The following MYO9B variants were observed in gnomAD, a reference collection of about 807,000 sequenced individuals.
The protein encoded by MYO9B is unconventional myosin-IXb.
Under a neutral mutation model 229.5 loss-of-function variants are expected in MYO9B, and 71 were observed. The ratio of observed to expected loss-of-function variants is 0.31; its 90% confidence interval spans 0.26 to 0.38. The LOEUF is 0.38. Ranked by LOEUF, MYO9B falls within the 10% of genes least tolerant of loss-of-function variation. The probability of loss-of-function intolerance (pLI) is 1.00; values close to 1 mark genes in which losing one functional copy is unlikely to be tolerated. For synonymous variants in MYO9B, 1,185 were observed against 1,235.8 expected (o/e 0.96, Z 0.86); for missense variants, 2,255 against 2,920.5 (o/e 0.77, Z 5.25).
intron 2 of MYO9B, among the ~76,000 whole-genome samples, chr19:17,139,096 G>A (rs919299256): frequency 1.3e-5 from 2 of 152,166 alleles, no homozygotes; most frequent in African/African-American, 2.4e-5. Flanking sequence ...AGGATAGCCT[G>A]AACCTGGGAG....
chr19:17,121,267 C>T (rs997458550), intron 2 of MYO9B, among the ~76,000 whole-genome samples: 2 of 152,010 alleles, frequency 1.3e-5, no homozygotes, highest in Admixed American at 6.6e-5. Flanking sequence ...CACCCGCTTA[C>T]TTGTACTTGG....
intron 2 of MYO9B, among the ~76,000 whole-genome samples, chr19:17,143,760 C>G (rs2072372276): frequency 6.6e-6 from 1 of 151,938 alleles, no homozygotes; most frequent in Non-Finnish European, 1.5e-5. Flanking sequence ...GTCTCTACTA[C>G]AAATACAAAA....
chr19:17,207,008 T>C, intron 34 of MYO9B, 105 bp from the exon 35 acceptor site: 1 of 1,471,002 alleles, frequency 6.8e-7, no homozygotes, highest in South Asian at 1.2e-5. Context: ...GCTGTGGCAC[T>C]GCTTTCCCAA....
In MYO9B at chr19:17,156,966, A is replaced by T; in HGVS notation, c.1257A>T (p.Arg419Ser). The T allele has an allele frequency of 6.2e-7, 1 of 1,613,794 alleles. No individual in the cohort carries two copies. Among genetic ancestry groups the T allele is most frequent in the Non-Finnish European group, 8.5e-7 (1 of 1,179,852 alleles). ...TGGGCAACGTCACTTATAAGAAGAG[A>T]GCTACAGGCCGAGAGGAAGGGTTGG... Reference protein sequence around the residue: ...LYLGNVTYKKRATGREEGLEV... With the variant: ...LYLGNVTYKKSATGREEGLEV... Residue 419 changes from arginine to serine, a missense_variant, in exon 7 of 40, where the codon AGA becomes AGT. Transcript: ENST00000682292.
intron 2 of MYO9B, among the ~76,000 whole-genome samples, chr19:17,113,406 G>A (rs2145088346): frequency 6.6e-6 from 1 of 152,338 alleles, no homozygotes; most frequent in Non-Finnish European, 1.5e-5. Flanking sequence ...GGTGGGGAAA[G>A]AGGAGGCAGA....
At chr19:17,129,896 G>A (rs1242838154) in intron 2 of MYO9B, among the ~76,000 whole-genome samples, 1 of 152,086 alleles carries the variant, frequency 6.6e-6, no homozygotes, top group East Asian at 1.9e-4. Flanking sequence ...GCTCACTGTA[G>A]CCTCGACCTC....
intron 2 of MYO9B, among the ~76,000 whole-genome samples, chr19:17,138,819 G>A (rs2072302961): frequency 6.6e-6 from 1 of 152,106 alleles, no homozygotes; most frequent in African/African-American, 2.4e-5. Context: ...TGTTTAGTAG[G>A]TTATATACTA....
intron 24 of MYO9B, among the ~76,000 whole-genome samples, chr19:17,199,646 T>C (rs2145484114): frequency 6.6e-6 from 1 of 151,688 alleles, no homozygotes; most frequent in East Asian, 1.9e-4. Flanking sequence ...CCCAAGTAGC[T>C]GGGAGTACAG....
At chr19:17,088,776 G>A (rs1448846866) in intron 1 of MYO9B, among the ~76,000 whole-genome samples, 3 of 152,038 alleles carry the variant, frequency 2.0e-5, no homozygotes, top group African/African-American at 7.2e-5. Context: ...CTGCAGCCTC[G>A]ACCTCCCAGG....
chr19:17,191,685 T>A (rs2072987061), intron 20 of MYO9B, among the ~76,000 whole-genome samples: 1 of 152,038 alleles, frequency 6.6e-6, no homozygotes, highest in African/African-American at 2.4e-5. Flanking sequence ...GTGTAAAAAA[T>A]TCCCTTCCAG....
intron 1 of MYO9B, chr19:17,099,356 T>C (rs1158544238): frequency 1.3e-5 from 2 of 151,658 alleles, no homozygotes; most frequent in Admixed American, 1.3e-4. Flanking sequence ...GAATAGTTAT[T>C]GGGGACTGCA....
intron 13 of MYO9B, 86 bp from the exon 14 acceptor site, chr19:17,175,577 T>C: frequency 9.1e-7 from 1 of 1,096,814 alleles, no homozygotes; most frequent in Non-Finnish European, 1.3e-6. Flanking sequence ...AGACTCCATC[T>C]CAAATAAATA....
In MYO9B at chr19:17,172,782, C is replaced by T; in HGVS notation, c.1959C>T (p.Asp653=). The change falls in exon 13 of 40, where the codon GAC becomes GAT. Residue 653 remains aspartate, a synonymous_variant. Coordinates refer to ENST00000682292, the MANE Select transcript of MYO9B (RefSeq NM_004145.4). This position sits in a 1 kb window ranked among gnomAD's most constrained non-coding sequence, Gnocchi z 8.2. ...QIKDFREKNM[D]YMRPDIVALL... is the part of the protein sequence containing the mutation. ...AGGACTTCCGGGAGAAGAACATGGA[C>T]TACATGCGGCCAGACATCGTGGCCC... 6.2e-7 allele frequency: 1 copy of T among 1,613,646 alleles called. No homozygotes were observed. Among genetic ancestry groups the T allele is most frequent in the Non-Finnish European group, 8.5e-7 (1 of 1,179,898 alleles).
intron 3 of MYO9B, among the ~76,000 whole-genome samples, chr19:17,150,533 A>T (rs914242640): frequency 6.6e-6 from 1 of 152,064 alleles, no homozygotes; most frequent in Non-Finnish European, 1.5e-5. Flanking sequence ...GCATAACAGG[A>T]TGGGCTCAGA....
chr19:17,092,334 G>T (rs1409709676), intron 1 of MYO9B, among the ~76,000 whole-genome samples: 3 of 152,252 alleles, frequency 2.0e-5, no homozygotes, highest in Non-Finnish European at 2.9e-5. Context: ...GGCCAACTCT[G>T]CCCAGGCCTC....
chr19:17,156,500 A>C (rs938957662), intron 6 of MYO9B, among the ~76,000 whole-genome samples: 1 of 152,164 alleles, frequency 6.6e-6, no homozygotes, highest in Non-Finnish European at 1.5e-5. Flanking sequence ...CAGGAGGATC[A>C]CTTGAGGCCA....
chr19:17,186,763 C>G (rs967525920), intron 18 of MYO9B, among the ~76,000 whole-genome samples: 5 of 152,140 alleles, frequency 3.3e-5, no homozygotes, highest in African/African-American at 1.2e-4. Flanking sequence ...CAGAATCTCC[C>G]TCTGTCACCC....
chr19:17,212,094 T>C lies in MYO9B; in HGVS notation c.6258T>C (p.Gly2086=), dbSNP rs750781141. The change falls in exon 40 of 40, where the codon GGT becomes GGC. Residue 2086 remains glycine, a synonymous_variant. Transcript: ENST00000682292. This position sits in a 1 kb window ranked among gnomAD's most constrained non-coding sequence, Gnocchi z 5.4. ...LPSHLPRWAP[G]AREAAAPVRR... is the part of the protein sequence containing the mutation. ...CCCACCTGCCTCGCTGGGCACCGGG[T>C]GCCCGGGAGGCGGCTGCCCCAGTGC... 6.3e-6 allele frequency: 10 copies of C among 1,591,258 alleles called. No individual in the cohort carries two copies. In the South Asian group the frequency reaches 1.0e-4, roughly 16 times the overall value.
chr19:17,174,503 T>TA (rs1398846496), intron 13 of MYO9B, among the ~76,000 whole-genome samples: 1 of 152,106 alleles, frequency 6.6e-6, no homozygotes, highest in Non-Finnish European at 1.5e-5. Flanking sequence ...GGCATGGTAG[T>TA]GCATGCCTGT....
Sources: allele counts gnomAD v4.1 joint callset (sites outside exome capture counted in the v4.1 genomes callset), GRCh38; gene constraint gnomAD v4.1.1; non-coding constraint Gnocchi (gnomAD v3.1); transcripts MANE v1.5; gene names NCBI Gene and HGNC (gene_info 2026-07-23, HGNC 2026-07-21).